UST: variants seen among roughly 807,000 people sequenced by gnomAD.
UST encodes the protein chondroitin sulfate 2-O-sulfotransferase.
A neutral mutation model predicts 45.6 loss-of-function variants in UST; 21 were observed. The observed-to-expected ratio is 0.46, with a 90% CI of 0.33 to 0.66. UST has a LOEUF of 0.66. Among genes scored for constraint, UST ranks in the 30% least tolerant of loss-of-function variants. The pLI is 0.02. For missense variants in UST, 463 were observed against 512.4 expected (o/e 0.90, Z 0.93); for synonymous variants, 215 against 200.6 (o/e 1.07, Z -0.61).
chr6:149,069,284 T>C (rs981855083), intron 7 of UST, among the ~76,000 whole-genome samples: 13 of 152,210 alleles, frequency 8.5e-5, no homozygotes, highest in African/African-American at 3.1e-4. Context: ...TGGATCATGG[T>C]AGTTCTATTT....
rs10634690 is a variant in UST at position 148,922,492 on chromosome 6, C to CTT, written c.292-18774_292-18773dup. ...TTGCATAGAGATGATCTTTCTTTTT[C>CTT]TTTTTTTTTTTTTTGAGTCGGAGTC... On this transcript the variant is annotated intron_variant, in intron 2 of 7. Coordinates refer to ENST00000367463, the MANE Select transcript of UST (RefSeq NM_005715.3). 7.2e-3 allele frequency among the ~76,000 whole-genome samples: 1,015 copies of CTT among 140,696 alleles called. 23 individuals carry two copies. Among genetic ancestry groups the CTT allele is most frequent in the African/African-American group, 0.023 (868 of 38,156 alleles). 92.3% of individuals were successfully genotyped at this position (140,696 alleles called of 152,430 possible). A position where few individuals can be genotyped will look rare whatever the true frequency, so the allele number is the denominator to read the frequency against.
chr6:148,983,776 G>A (rs569554391), intron 5 of UST, among the ~76,000 whole-genome samples: 2 of 152,320 alleles, frequency 1.3e-5, no homozygotes, highest in South Asian at 4.1e-4. Context: ...TTTCCAATGT[G>A]TTGTTCACCA....
At chr6:148,952,675 CT>C (rs1562310649) in intron 3 of UST, among the ~76,000 whole-genome samples, 1 of 152,190 alleles carries the variant, frequency 6.6e-6, no homozygotes, top group Admixed American at 6.5e-5. Context: ...GTTCCAGACT[CT>C]TATTTTATTG....
chr6:149,015,576 G>T (rs552155347), intron 5 of UST, among the ~76,000 whole-genome samples: 1 of 152,292 alleles, frequency 6.6e-6, no homozygotes, highest in African/African-American at 2.4e-5. Context: ...AGTCATCAAT[G>T]CAGTGACAAT....
intron 7 of UST, among the ~76,000 whole-genome samples, chr6:149,049,923 T>TCACACACACACACACACACACACA (rs1165179256): frequency 9.7e-6 from 1 of 102,884 alleles, no homozygotes; most frequent in African/African-American, 3.4e-5. Context: ...TCTCTCTCTC[T>TCACACACACACACACACACACACA]CTCTCTCTCA....
chr6:149,010,895 C>CAAAAAAA (rs1172538648), intron 5 of UST, among the ~76,000 whole-genome samples: 15 of 65,614 alleles, frequency 2.3e-4, no homozygotes, highest in African/African-American at 8.6e-4. Context: ...CCGTCTCAAC[C>CAAAAAAA]AAAAAAAAAA....
intron 1 of UST, among the ~76,000 whole-genome samples, chr6:148,865,881 A>T (rs1277115658): frequency 6.6e-6 from 1 of 152,142 alleles, no homozygotes; most frequent in African/African-American, 2.4e-5. Flanking sequence ...TATTTTGGGG[A>T]CTATGCATGG....
intron 1 of UST, among the ~76,000 whole-genome samples, chr6:148,847,126 G>A (rs963308172): frequency 6.6e-6 from 1 of 152,258 alleles, no homozygotes; most frequent in African/African-American, 2.4e-5. Context: ...TTAGTTATCT[G>A]TAGCAATATA....
chr6:148,810,072 T>G (rs944269586), intron 1 of UST, among the ~76,000 whole-genome samples: 6 of 152,206 alleles, frequency 3.9e-5, no homozygotes, highest in African/African-American at 1.4e-4. Context: ...AAGTCAATTT[T>G]AGGATGCAGT....
At chr6:148,813,514 T>C (rs1183936336) in intron 1 of UST, among the ~76,000 whole-genome samples, 3 of 152,080 alleles carry the variant, frequency 2.0e-5, no homozygotes, top group African/African-American at 2.4e-5. Flanking sequence ...CCCGAGTAGC[T>C]GGGATTACAG....
intron 7 of UST, among the ~76,000 whole-genome samples, chr6:149,056,202 C>T (rs1166548446): frequency 1.6e-5 from 2 of 126,766 alleles, no homozygotes; most frequent in South Asian, 2.5e-4. Flanking sequence ...GCAACCTCTG[C>T]CTCCCGGGTT....
chr6:149,016,088 C>T (rs1364808415), intron 5 of UST, among the ~76,000 whole-genome samples: 4 of 152,182 alleles, frequency 2.6e-5, no homozygotes, highest in African/African-American at 9.7e-5. Flanking sequence ...TCTTCCGGTC[C>T]AGTCATCTTT....
In UST at chr6:148,830,053, A is replaced by T. The variant is rs574025420; in HGVS notation, c.248-56933A>T. 3.3e-5 allele frequency among the ~76,000 whole-genome samples: 5 copies of T among 152,312 alleles called. No individual in the cohort carries two copies. The South Asian group carries it at 6.2e-4, about 19-fold the overall frequency. On this transcript the variant is annotated intron_variant, in intron 1 of 7. Transcript: ENST00000367463. ...CTACAACTCCTGAAGCCTCTTGTCC[A>T]TGAGGCTGGGTGAGTGAAAAACAGC... is the stretch of plus-strand genomic sequence containing the variant.
At chr6:148,845,221 A>G (rs1461541270) in intron 1 of UST, among the ~76,000 whole-genome samples, 1 of 152,160 alleles carries the variant, frequency 6.6e-6, no homozygotes, top group Non-Finnish European at 1.5e-5. Context: ...AACTTGTTCC[A>G]CAGTTTGAAA....
At chr6:148,998,643 G>A (rs1781493780) in intron 5 of UST, among the ~76,000 whole-genome samples, 1 of 152,136 alleles carries the variant, frequency 6.6e-6, no homozygotes. Flanking sequence ...CATTTTCTGT[G>A]TGGCTAAGTA....
In UST at chr6:148,747,541, G is replaced by A; in HGVS notation, c.111G>A (p.Leu37=). 6.4e-7 allele frequency: 1 copy of A among 1,558,534 alleles called. No individual in the cohort carries two copies. Among genetic ancestry groups the A allele is most frequent in the Non-Finnish European group, 8.7e-7 (1 of 1,153,898 alleles). Residue 37 remains leucine, a synonymous_variant, in exon 1 of 8, where the codon CTG becomes CTA. Transcript: ENST00000367463. The stretch of plus-strand genomic sequence containing the variant: ...GCAGCTGGAAGCGTCGGGTGCCCCT[G>A]CTGCCTTTCCTGCGCTTCTCCCTCC... The part of the protein sequence containing the change: ...GLGSWKRRVP[L]LPFLRFSLRD...
At chr6:149,012,657 G>C (rs1270712611) in intron 5 of UST, among the ~76,000 whole-genome samples, 1 of 152,188 alleles carries the variant, frequency 6.6e-6, no homozygotes, top group African/African-American at 2.4e-5. Flanking sequence ...GCTATAAGAA[G>C]TCCAAAGTTC....
At chr6:148,777,368 A>C (rs1776554298) in intron 1 of UST, among the ~76,000 whole-genome samples, 1 of 152,244 alleles carries the variant, frequency 6.6e-6, no homozygotes, top group Admixed American at 6.5e-5. Context: ...AATCAAACAA[A>C]GGTGAAGCCA....
chr6:148,992,519 G>A (rs1407525528), intron 5 of UST, among the ~76,000 whole-genome samples: 1 of 152,150 alleles, frequency 6.6e-6, no homozygotes, highest in African/African-American at 2.4e-5. Context: ...CCGGGGGTCT[G>A]TGGACCTCAC....
Sources: allele counts gnomAD v4.1 joint callset (sites outside exome capture counted in the v4.1 genomes callset), GRCh38; gene constraint gnomAD v4.1.1; transcripts MANE v1.5; gene names NCBI Gene and HGNC (gene_info 2026-07-23, HGNC 2026-07-21).